NBEAL1: variants seen among roughly 807,000 people sequenced by gnomAD.
NBEAL1 encodes neurobeachin like 1.
Under a neutral mutation model 351.3 loss-of-function variants are expected in NBEAL1, and 273 were observed. The ratio of observed to expected loss-of-function variants is 0.78; its 90% confidence interval spans 0.70 to 0.86. NBEAL1 has a LOEUF of 0.86. Ranked by LOEUF, NBEAL1 falls within the 40% of genes least tolerant of loss-of-function variation. The pLI, the probability that NBEAL1 is intolerant of heterozygous loss-of-function variation, is 0.00. For synonymous variants in NBEAL1, 1,050 were observed against 1,086.4 expected (o/e 0.97, Z 0.66); for missense variants, 2,961 against 3,201.3 (o/e 0.92, Z 1.81).
chr2:203,201,103 T>G (rs1002717413), intron 49 of NBEAL1, among the ~76,000 whole-genome samples: 1 of 152,178 alleles, frequency 6.6e-6, no homozygotes, highest in South Asian at 2.1e-4. Flanking sequence ...TCATCATAAG[T>G]GTTGTTAGAT....
At chr2:203,090,414 A>T (rs2062041193) in intron 10 of NBEAL1, among the ~76,000 whole-genome samples, 1 of 152,142 alleles carries the variant, frequency 6.6e-6, no homozygotes, top group Non-Finnish European at 1.5e-5. Context: ...GTACCCATTG[A>T]TTAGCTCCCA....
At chr2:203,099,258 A>G (rs1185069586) in intron 11 of NBEAL1, among the ~76,000 whole-genome samples, 2 of 151,746 alleles carry the variant, frequency 1.3e-5, no homozygotes, top group Non-Finnish European at 1.5e-5. Flanking sequence ...CCTGGGCAAC[A>G]AGAACGAAAC....
chr2:203,066,815 G>C (rs2061597447), intron 6 of NBEAL1, among the ~76,000 whole-genome samples: 1 of 144,408 alleles, frequency 6.9e-6, no homozygotes, highest in African/African-American at 2.6e-5. Context: ...TTCCCAGAAG[G>C]GGTGGTTGCC....
intron 39 of NBEAL1, 151 bp from the exon 40 acceptor site, chr2:203,171,777 G>T (rs1208459301): frequency 1.2e-5 from 5 of 402,146 alleles, no homozygotes; most frequent in Non-Finnish European, 8.9e-6. Flanking sequence ...TATTTTAAAA[G>T]AAGTAAATTT....
intron 4 of NBEAL1, among the ~76,000 whole-genome samples, chr2:203,055,664 A>C (rs1020963020): frequency 2.0e-5 from 3 of 152,090 alleles, no homozygotes; most frequent in African/African-American, 7.2e-5. Context: ...ATTAGCATTT[A>C]CTGGATTTTA....
At chr2:203,175,110 A>G in intron 41 of NBEAL1, 37 bp from the exon 42 acceptor site, 1 of 1,553,084 alleles carries the variant, frequency 6.4e-7, no homozygotes, top group Non-Finnish European at 8.8e-7. Flanking sequence ...GTACTTTATT[A>G]TTGTGGTTTT....
chr2:203,161,547 C>T (rs565823047), intron 36 of NBEAL1, among the ~76,000 whole-genome samples: 1 of 151,132 alleles, frequency 6.6e-6, no homozygotes, highest in African/African-American at 2.4e-5. Context: ...GAGAATTGCT[C>T]CAACTCAGGA....
At chr2:203,207,830 T>C (rs1269878989) in intron 51 of NBEAL1, among the ~76,000 whole-genome samples, 5 of 152,142 alleles carry the variant, frequency 3.3e-5, no homozygotes, top group Non-Finnish European at 5.9e-5. Context: ...TTGATGTGGC[T>C]GCAAATCAAA....
Position 203,125,467 on chromosome 2 carries a change from C to T in NBEAL1, c.2798C>T (p.Ser933Leu). ...AAGAATGAAAGCACAGTTCCTGAAT[C>T]AGTAACACCTGTTGAAGGAGATTGG... Reference protein sequence around the residue: ...EEKNESTVPESVTPVEGDWLV... With the variant: ...EEKNESTVPELVTPVEGDWLV... Residue 933 changes from serine to leucine, a missense_variant, in exon 20 of 56, where the codon TCA becomes TTA. Transcript: ENST00000683969. 1.9e-6 allele frequency: 3 copies of T among 1,543,672 alleles called. No homozygotes were observed. The highest frequency in any genetic ancestry group is 2.6e-6 in the Non-Finnish European group (3 of 1,143,634).
chr2:203,114,725 C>T (rs114127243), intron 17 of NBEAL1, among the ~76,000 whole-genome samples: 2,215 of 151,998 alleles, frequency 0.015, 28 homozygotes, highest in Non-Finnish European at 0.023. Flanking sequence ...TATATTAGAA[C>T]CTTATCTTTT....
At chr2:203,205,034 A>C (rs909489230) in intron 51 of NBEAL1, among the ~76,000 whole-genome samples, 4 of 152,148 alleles carry the variant, frequency 2.6e-5, no homozygotes, top group Non-Finnish European at 5.9e-5. Context: ...ACAATAAGGT[A>C]AGCAAAATTA....
intron 10 of NBEAL1, among the ~76,000 whole-genome samples, chr2:203,091,599 G>C (rs1033714470): frequency 1.3e-5 from 2 of 152,072 alleles, no homozygotes; most frequent in African/African-American, 4.8e-5. Flanking sequence ...AGTGCACAAA[G>C]TTTTCAATGT....
intron 34 of NBEAL1, among the ~76,000 whole-genome samples, chr2:203,151,102 C>T (rs1319384709): frequency 2.6e-5 from 4 of 152,144 alleles, no homozygotes; most frequent in South Asian, 2.1e-4. Context: ...GAGGCCAAGG[C>T]GGGAAAATTG....
intron 17 of NBEAL1, among the ~76,000 whole-genome samples, chr2:203,115,447 T>G (rs998172497): frequency 2.6e-5 from 4 of 152,044 alleles, no homozygotes; most frequent in Non-Finnish European, 4.4e-5. Context: ...TGTTTGTTTT[T>G]GTTTTTGAGA....
chr2:203,199,319 T>A lies in NBEAL1; in HGVS notation c.7129-19T>A. The A allele has an allele frequency of 7.3e-7, 1 of 1,378,278 alleles. No homozygotes were observed. The highest frequency in any genetic ancestry group is 1.8e-4 in the Middle Eastern group (1 of 5,566). The allele number at this position is 1,378,278 out of a possible 1,614,324, so 85.4% of individuals were successfully genotyped here. ...CTTAATATTTCATTTAATTTGAGTC[T>A]TCATATGTTCTTTTCCAGATAACAA... On this transcript the variant is annotated intron_variant, in intron 48 of 55. Transcript: ENST00000683969.
At chr2:203,050,811 G>C (rs1559332194) in intron 4 of NBEAL1, among the ~76,000 whole-genome samples, 1 of 152,108 alleles carries the variant, frequency 6.6e-6, no homozygotes, top group South Asian at 2.1e-4. Flanking sequence ...TCATCTACAT[G>C]TAAGAATTCA....
At chr2:203,066,302 A>G (rs2061584828) in intron 6 of NBEAL1, among the ~76,000 whole-genome samples, 1 of 150,858 alleles carries the variant, frequency 6.6e-6, no homozygotes, top group Admixed American at 6.7e-5. Context: ...AACCTAACTG[A>G]AAGCTAAATT....
intron 2 of NBEAL1, among the ~76,000 whole-genome samples, chr2:203,028,945 C>T (rs545465367): frequency 6.6e-6 from 1 of 152,238 alleles, no homozygotes; most frequent in Non-Finnish European, 1.5e-5. Context: ...TCCTGGACCA[C>T]AATGCGCCCT....
chr2:203,087,386 C>T (rs576776646), intron 10 of NBEAL1, among the ~76,000 whole-genome samples: 7 of 152,080 alleles, frequency 4.6e-5, no homozygotes, highest in South Asian at 2.1e-4. Flanking sequence ...CCACCGAGCC[C>T]GGCCCCTTTT....
Sources: gnomAD v4.1 joint callset for allele counts (sites outside exome capture counted in the v4.1 genomes callset) on GRCh38, gnomAD v4.1.1 for gene constraint, MANE v1.5 for transcripts, NCBI Gene and HGNC (gene_info 2026-07-23, HGNC 2026-07-21) for gene names.